The following ASCC1 variants were observed in gnomAD, a reference collection of about 807,000 sequenced individuals.
ASCC1 encodes the protein activating signal cointegrator 1 complex subunit 1.
A neutral mutation model predicts 46.6 loss-of-function variants in ASCC1; 35 were observed. The ratio of observed to expected loss-of-function variants is 0.75; its 90% CI spans 0.57 to 0.99. The LOEUF (loss-of-function observed/expected upper bound fraction) is 0.99. ASCC1 is among the 50% of genes least tolerant of loss of function. The probability of loss-of-function intolerance (pLI) is 0.00; values close to 1 mark genes in which losing one functional copy is unlikely to be tolerated. For missense variants in ASCC1, 376 were observed against 428.7 expected (o/e 0.88, Z 1.09); for synonymous variants, 143 against 146.6 (o/e 0.98, Z 0.18).
chr10:72,179,766 C>T (rs897563470), intron 5 of ASCC1, among the ~76,000 whole-genome samples: 2 of 152,226 alleles, frequency 1.3e-5, no homozygotes, highest in East Asian at 1.9e-4. Context: ...TACATATTTG[C>T]TATTTTATAC....
chr10:72,102,325 G>A (rs1841867095), intron 9 of ASCC1: 2 of 1,548,364 alleles, frequency 1.3e-6, no homozygotes, highest in East Asian at 2.4e-5. Context: ...ACTCACGGCT[G>A]TATCTTACCC....
intron 5 of ASCC1, among the ~76,000 whole-genome samples, chr10:72,193,137 T>C (rs1854801757): frequency 6.6e-6 from 1 of 152,176 alleles, no homozygotes; most frequent in African/African-American, 2.4e-5. Context: ...TCCTGGGTAT[T>C]TTACTGTAAA....
chr10:72,138,575 C>CTGTTTCCT (rs1846544774), intron 7 of ASCC1, among the ~76,000 whole-genome samples: 1 of 147,552 alleles, frequency 6.8e-6, no homozygotes, highest in Non-Finnish European at 1.5e-5. Flanking sequence ...GCAGCCTGTG[C>CTGTTTCCT]TGTTTCCTTT....
chr10:72,189,107 T>G (rs1394029308), intron 5 of ASCC1, among the ~76,000 whole-genome samples: 2 of 151,876 alleles, frequency 1.3e-5, no homozygotes, highest in East Asian at 3.9e-4. Flanking sequence ...CTATAAAGAT[T>G]TGGAGAAGTT....
intron 9 of ASCC1, among the ~76,000 whole-genome samples, chr10:72,115,157 T>C (rs1352073051): frequency 2.6e-5 from 4 of 152,160 alleles, no homozygotes; most frequent in Non-Finnish European, 5.9e-5. Flanking sequence ...GCAAAAAATA[T>C]CCCCTCTGGC....
intron 4 of ASCC1, among the ~76,000 whole-genome samples, chr10:72,199,949 C>A (rs1042377713): frequency 4.6e-5 from 7 of 151,738 alleles, no homozygotes; most frequent in African/African-American, 1.7e-4. Context: ...CCCGGGCTGA[C>A]CTTGAACACC....
At position 72,152,563 on chromosome 10, in the gene ASCC1, G is replaced by T. The variant is rs1201261096; in HGVS notation, c.746+306C>A. ...AGCTACCACATTAGCCTGGTGCAGG[G>T]TGCGCGCCTATAGTCCCAGCTACTT... On this transcript the variant is annotated intron_variant, in intron 7 of 9. Coordinates refer to ENST00000672957, the MANE Select transcript of ASCC1 (RefSeq NM_001198800.3). Among the ~76,000 whole-genome samples the T allele has an allele frequency of 2.0e-5, 3 of 152,072 alleles. No individual in the cohort carries two copies. The East Asian group carries it at 5.8e-4, about 29-fold the overall frequency.
At chr10:72,141,930 TA>T (rs979227510) in intron 7 of ASCC1, among the ~76,000 whole-genome samples, 36 of 152,284 alleles carry the variant, frequency 2.4e-4, no homozygotes, top group Admixed American at 1.0e-3. Context: ...ATTGGTCTTC[TA>T]AAAAAATTTT....
chr10:72,156,771 CA>C lies in ASCC1; in HGVS notation c.627-3784del, dbSNP rs58283312. Among the ~76,000 whole-genome samples, 169 of 65,190 alleles carry C rather than the reference CA, an allele frequency of 2.6e-3. 1 individual carries two copies. The highest frequency in any genetic ancestry group is 0.012 in the Middle Eastern group (1 of 86). 42.8% of individuals were successfully genotyped at this position (65,190 alleles called of 152,430 possible). A position where few individuals can be genotyped will look rare whatever the true frequency, so the allele number is the denominator to read the frequency against. On this transcript the variant is annotated intron_variant, in intron 6 of 9. Transcript: ENST00000672957. ...TGGGCGACAGAATAAGACTCCATCTCAAAAAAAAAAAAAAGAAAAAAAAAAG... is the reference window on the plus strand; with the variant it reads ...TGGGCGACAGAATAAGACTCCATCTCAAAAAAAAAAAAAGAAAAAAAAAAG...
intron 6 of ASCC1, among the ~76,000 whole-genome samples, chr10:72,157,482 T>C (rs1248543890): frequency 6.6e-6 from 1 of 152,216 alleles, no homozygotes; most frequent in Non-Finnish European, 1.5e-5. Context: ...TTTAATGTTA[T>C]ATCTGCAATT....
chr10:72,195,566 T>C (rs570575017), intron 5 of ASCC1, among the ~76,000 whole-genome samples: 1 of 152,028 alleles, frequency 6.6e-6, no homozygotes, highest in East Asian at 1.9e-4. Context: ...TTTATTTATT[T>C]TTTTTTTGAG....
chr10:72,164,455 C>T (rs776272790), intron 5 of ASCC1, among the ~76,000 whole-genome samples: 12 of 152,170 alleles, frequency 7.9e-5, no homozygotes, highest in Admixed American at 3.3e-4. Flanking sequence ...CAAGCTGTAG[C>T]ATTATCACTC....
intron 4 of ASCC1, chr10:72,198,411 GA>G: frequency 3.0e-6 from 1 of 327,976 alleles, no homozygotes; most frequent in Non-Finnish European, 5.9e-6. Flanking sequence ...GGGAAGGAAG[GA>G]AAGAAAAGAA....
At chr10:72,195,915 A>C (rs541111995) in intron 5 of ASCC1, among the ~76,000 whole-genome samples, 1 of 152,092 alleles carries the variant, frequency 6.6e-6, no homozygotes, top group East Asian at 1.9e-4. Context: ...ATCTCTCAGT[A>C]GTGGAATTAT....
At chr10:72,212,619 A>T (rs912538870) in intron 2 of ASCC1, among the ~76,000 whole-genome samples, 1 of 152,116 alleles carries the variant, frequency 6.6e-6, no homozygotes, top group Non-Finnish European at 1.5e-5. Flanking sequence ...AGGCCAAGGC[A>T]GGTGGATCAC....
intron 7 of ASCC1, among the ~76,000 whole-genome samples, chr10:72,135,884 A>C (rs1000386507): frequency 3.9e-5 from 6 of 152,252 alleles, no homozygotes; most frequent in African/African-American, 1.2e-4. Flanking sequence ...AACACAATAC[A>C]TTCAAGGACT....
chr10:72,193,469 C>T (rs1854863296), intron 5 of ASCC1, among the ~76,000 whole-genome samples: 2 of 151,504 alleles, frequency 1.3e-5, no homozygotes, highest in Admixed American at 6.6e-5. Context: ...CACACACACA[C>T]ACACACACAC....
At chr10:72,167,994 TC>T (rs1034512033) in intron 5 of ASCC1, among the ~76,000 whole-genome samples, 2 of 151,964 alleles carry the variant, frequency 1.3e-5, no homozygotes, top group African/African-American at 4.8e-5. Flanking sequence ...ATCGGGACCA[TC>T]CTGGCTAACA....
intron 9 of ASCC1, among the ~76,000 whole-genome samples, chr10:72,114,844 CT>C (rs140738165): frequency 6.7e-5 from 10 of 148,988 alleles, no homozygotes; most frequent in Non-Finnish European, 7.5e-5. Flanking sequence ...AGTCAGCAAA[CT>C]TTTTTTTTTA....
Sources: gnomAD v4.1 joint callset for allele counts (sites outside exome capture counted in the v4.1 genomes callset) on GRCh38, gnomAD v4.1.1 for gene constraint, MANE v1.5 for transcripts, NCBI Gene and HGNC (gene_info 2026-07-23, HGNC 2026-07-21) for gene names.